The following MOSMO variants were observed in gnomAD, a reference collection of about 807,000 sequenced individuals.
The protein encoded by MOSMO is modulator of smoothened, also known as modulator of smoothened protein.
A neutral mutation model predicts 18.4 loss-of-function variants in MOSMO; 5 were observed. The observed-to-expected ratio is 0.27, with a 90% confidence interval of 0.14 to 0.57. The LOEUF (loss-of-function observed/expected upper bound fraction) is 0.57. Among genes scored for constraint, MOSMO ranks in the 20% least tolerant of loss-of-function variants. The probability of loss-of-function intolerance (pLI) is 0.92; values close to 1 mark genes in which losing one functional copy is unlikely to be tolerated. For synonymous variants in MOSMO, 82 were observed against 82.3 expected (o/e 1.00, Z 0.02); for missense variants, 138 against 211.8 (o/e 0.65, Z 2.16).
chr16:22,022,443 G>T (rs1006236560), intron 1 of MOSMO, among the ~76,000 whole-genome samples: 1 of 152,190 alleles, frequency 6.6e-6, no homozygotes, highest in Non-Finnish European at 1.5e-5. Flanking sequence ...ATATGCAGGT[G>T]CTGTGCTGCA....
intron 1 of MOSMO, among the ~76,000 whole-genome samples, chr16:22,040,682 A>T (rs9788859): frequency 0.35 from 53,347 of 152,120 alleles, 10,918 homozygotes; most frequent in East Asian, 0.7. Context: ...ATGTTTAAAG[A>T]AGCAATAGAA....
chr16:22,039,346 T>C (rs754836483), intron 1 of MOSMO, among the ~76,000 whole-genome samples: 46 of 152,300 alleles, frequency 3.0e-4, no homozygotes, highest in African/African-American at 1.1e-3. Flanking sequence ...AAAAGGAAAT[T>C]ATAATACTTG....
chr16:22,024,093 T>A (rs1899825802), intron 1 of MOSMO, among the ~76,000 whole-genome samples: 1 of 150,962 alleles, frequency 6.6e-6, no homozygotes, highest in African/African-American at 2.4e-5. Flanking sequence ...ATAAAGCACA[T>A]TTTCAAATTA....
At chr16:22,053,100 A>G (rs921826544) in intron 1 of MOSMO, among the ~76,000 whole-genome samples, 1 of 150,110 alleles carries the variant, frequency 6.7e-6, no homozygotes. Context: ...TACCACAGGC[A>G]CCCGCCACCA....
chr16:22,047,405 C>T (rs1046953487), intron 1 of MOSMO, among the ~76,000 whole-genome samples: 7 of 151,722 alleles, frequency 4.6e-5, no homozygotes, highest in African/African-American at 1.2e-4. Context: ...TCACCACGCC[C>T]GGCTAATTTT....
intron 1 of MOSMO, among the ~76,000 whole-genome samples, chr16:22,030,254 A>G (rs1366610814): frequency 1.3e-5 from 2 of 152,224 alleles, no homozygotes; most frequent in African/African-American, 4.8e-5. Context: ...GCAGGCAGAT[A>G]GATATTCACT....
intron 2 of MOSMO, 36 bp downstream of exon 2, chr16:22,075,735 G>T: frequency 1.4e-6 from 2 of 1,383,074 alleles, no homozygotes; most frequent in East Asian, 2.9e-5. Context: ...TGTCTAGAAG[G>T]CACCCACCCA....
At chr16:22,015,814 A>G (rs1021819886) in intron 1 of MOSMO, among the ~76,000 whole-genome samples, 1 of 152,210 alleles carries the variant, frequency 6.6e-6, no homozygotes, top group African/African-American at 2.4e-5. Context: ...AATTAAGACT[A>G]TAAATAAGCC....
At chr16:22,071,347 C>T (rs920809365) in intron 1 of MOSMO, among the ~76,000 whole-genome samples, 2 of 152,216 alleles carry the variant, frequency 1.3e-5, no homozygotes, top group African/African-American at 2.4e-5. Context: ...TATGGGAAAA[C>T]GCTCTCTCTG....
At chr16:22,034,966 T>C (rs1346463787) in intron 1 of MOSMO, among the ~76,000 whole-genome samples, 1 of 152,012 alleles carries the variant, frequency 6.6e-6, no homozygotes, top group Non-Finnish European at 1.5e-5. Flanking sequence ...ACTCCTGGCC[T>C]CAGGTGATCC....
intron 1 of MOSMO, among the ~76,000 whole-genome samples, chr16:22,022,631 C>T (rs1899789349): frequency 6.6e-6 from 1 of 152,122 alleles, no homozygotes; most frequent in Non-Finnish European, 1.5e-5. Context: ...TAACCCTAAC[C>T]TCATTAGTTG....
At chr16:22,091,484 A>T (rs1371375159), downstream of MOSMO, among the ~76,000 whole-genome samples, 1 of 152,204 alleles carries the variant, frequency 6.6e-6, no homozygotes, top group Non-Finnish European at 1.5e-5. Flanking sequence ...CTTGGGCTCA[A>T]GCGATCCTCC....
At chr16:22,019,647 A>C (rs1036325324) in intron 1 of MOSMO, among the ~76,000 whole-genome samples, 31 of 152,186 alleles carry the variant, frequency 2.0e-4, no homozygotes, top group African/African-American at 7.5e-4. Flanking sequence ...GGAAAGAGGA[A>C]ATGTTATGGT....
chr16:22,044,589 CT>C (rs1900272124), intron 1 of MOSMO, among the ~76,000 whole-genome samples: 1 of 152,088 alleles, frequency 6.6e-6, no homozygotes, highest in African/African-American at 2.4e-5. Context: ...ATTCTAAAAT[CT>C]GAAAAATCCT....
Position 22,066,016 on chromosome 16 carries a change from T to C in MOSMO, c.107-9471T>C, listed in dbSNP as rs1006076510. ...ATTTGGGTAAGAAAAGCAAACTTTGTGGCAGTTTCAATTGTGCTAATTCCA... is the reference window on the plus strand; with the variant it reads ...ATTTGGGTAAGAAAAGCAAACTTTGCGGCAGTTTCAATTGTGCTAATTCCA... On this transcript the variant is annotated intron_variant, in intron 1 of 2. Transcript: ENST00000542527. Among the ~76,000 whole-genome samples, 4 of 152,206 alleles carry C rather than the reference T, an allele frequency of 2.6e-5. No homozygotes were observed. The East Asian group carries it at 5.8e-4, about 22-fold the overall frequency.
chr16:22,016,295 T>G (rs909221780), intron 1 of MOSMO, among the ~76,000 whole-genome samples: 2 of 152,230 alleles, frequency 1.3e-5, no homozygotes, highest in African/African-American at 4.8e-5. Flanking sequence ...ATGTGGCATA[T>G]AAGAGATTAG....
chr16:22,021,577 G>C (rs537162155), intron 1 of MOSMO, among the ~76,000 whole-genome samples: 1 of 152,000 alleles, frequency 6.6e-6, no homozygotes, highest in African/African-American at 2.4e-5. Flanking sequence ...TGGGCAGATC[G>C]CTTGAGCTCA....
At chr16:22,021,029 A>G (rs1192415949) in intron 1 of MOSMO, among the ~76,000 whole-genome samples, 1 of 149,106 alleles carries the variant, frequency 6.7e-6, no homozygotes, top group Non-Finnish European at 1.5e-5. Context: ...AGTGAATGCA[A>G]GTGCATATGA....
chr16:22,079,108 T>C (rs1275077171), intron 2 of MOSMO, among the ~76,000 whole-genome samples: 1 of 152,226 alleles, frequency 6.6e-6, no homozygotes, highest in Admixed American at 6.5e-5. Flanking sequence ...GCTGGAGTTA[T>C]TCCTTCTGGA....
Sources: gnomAD v4.1 joint callset for allele counts (sites outside exome capture counted in the v4.1 genomes callset) on GRCh38, gnomAD v4.1.1 for gene constraint, MANE v1.5 for transcripts, NCBI Gene and HGNC (gene_info 2026-07-23, HGNC 2026-07-21) for gene names.